The following RAB10 variants were observed in gnomAD, a reference collection of about 807,000 sequenced individuals.
RAB10 encodes ras-related protein Rab-10.
Under a neutral mutation model 25.7 loss-of-function variants are expected in RAB10, and 5 were observed. That is an observed-to-expected ratio of 0.19 (90% confidence interval 0.10 to 0.41). The LOEUF is 0.41. Among genes scored for constraint, RAB10 ranks in the 10% least tolerant of loss-of-function variants. The pLI, the probability that RAB10 is intolerant of heterozygous loss-of-function variation, is 1.00. For synonymous variants in RAB10, 89 were observed against 86.4 expected, an observed-to-expected ratio of 1.03 and a Z score of -0.16; for missense variants, 103 against 245.8, an observed-to-expected ratio of 0.42 and a Z score of 3.89.
chr2:26,097,251 T>A (rs1018053130), intron 1 of RAB10, among the ~76,000 whole-genome samples: 1 of 151,798 alleles, frequency 6.6e-6, no homozygotes, highest in Non-Finnish European at 1.5e-5. Context: ...AATGAAAACA[T>A]ACTTTGTATG....
At chr2:26,126,711 T>A (rs1667909907) in intron 3 of RAB10, among the ~76,000 whole-genome samples, 1 of 152,218 alleles carries the variant, frequency 6.6e-6, no homozygotes, top group Non-Finnish European at 1.5e-5. Flanking sequence ...AACTGATTTT[T>A]CTGCATGGAC....
chr2:26,120,406 G>A (rs1297858870), intron 3 of RAB10, among the ~76,000 whole-genome samples: 1 of 152,114 alleles, frequency 6.6e-6, no homozygotes, highest in African/African-American at 2.4e-5. Context: ...TGATGTCCCC[G>A]AAGTCCATCC....
chr2:26,099,065 G>C (rs564474041), intron 2 of RAB10, among the ~76,000 whole-genome samples: 3 of 152,068 alleles, frequency 2.0e-5, no homozygotes, highest in Non-Finnish European at 4.4e-5. Flanking sequence ...TTGCGAAAAT[G>C]TTTGTTTTCT....
chr2:26,034,547 C>A lies in RAB10; in HGVS notation c.-62C>A. 1.2e-6 allele frequency: 2 copies of A among 1,605,484 alleles called. No homozygotes were observed. The highest frequency in any genetic ancestry group is 1.1e-5 in the South Asian group (1 of 90,542). On this transcript the variant is annotated 5_prime_UTR_variant, in exon 1 of 6. Transcript: ENST00000264710. Reference sequence around the variant, plus strand: ...GAGAACGCCCGAGTGAGGAGTTGGCCGTAGTGAGAGGGACCGATCCCTTGG... The same window carrying A: ...GAGAACGCCCGAGTGAGGAGTTGGCAGTAGTGAGAGGGACCGATCCCTTGG...
Position 26,034,598 on chromosome 2 carries a change from C to T in RAB10, c.-11C>T, listed in dbSNP as rs778048908. 6.2e-7 allele frequency: 1 copy of T among 1,612,972 alleles called. No individual in the cohort carries two copies. The highest frequency in any genetic ancestry group is 8.5e-7 in the Non-Finnish European group (1 of 1,180,010). ...GGCCGCCGGCGGCGAGAGCCCGAGC[C>T]GCTCCTCCCAATGGCGAAGAAGACG... On this transcript the variant is annotated 5_prime_UTR_variant, in exon 1 of 6. Transcript: ENST00000264710.
chr2:26,086,329 A>G (rs1045913147), intron 1 of RAB10, among the ~76,000 whole-genome samples: 11 of 152,238 alleles, frequency 7.2e-5, no homozygotes, highest in Admixed American at 3.9e-4. Flanking sequence ...AAGACGTACA[A>G]GTGATCAACA....
At chr2:26,035,391 T>G (rs993583315) in intron 1 of RAB10, among the ~76,000 whole-genome samples, 3 of 152,128 alleles carry the variant, frequency 2.0e-5, no homozygotes, top group African/African-American at 7.2e-5. Flanking sequence ...CCCAACGGAG[T>G]GAAGTCAAGC....
At chr2:26,044,134 C>T (rs1450761823) in intron 1 of RAB10, among the ~76,000 whole-genome samples, 1 of 152,106 alleles carries the variant, frequency 6.6e-6, no homozygotes, top group African/African-American at 2.4e-5. Context: ...GTTAAGATGG[C>T]AAATTTAATG....
intron 5 of RAB10, among the ~76,000 whole-genome samples, chr2:26,128,378 A>G (rs113793969): frequency 7.2e-4 from 109 of 152,316 alleles, no homozygotes; most frequent in African/African-American, 2.6e-3. Context: ...GACCGGTAAG[A>G]GTCCACAGCC....
chr2:26,086,928 T>G (rs1271276424), intron 1 of RAB10, among the ~76,000 whole-genome samples: 1 of 152,168 alleles, frequency 6.6e-6, no homozygotes, highest in Non-Finnish European at 1.5e-5. Flanking sequence ...GTAAATCCAC[T>G]GAGACAGAAT....
chr2:26,123,797 G>T (rs1029011539), intron 3 of RAB10, among the ~76,000 whole-genome samples: 2 of 152,200 alleles, frequency 1.3e-5, no homozygotes, highest in African/African-American at 4.8e-5. Context: ...TGAAGCAAAT[G>T]ATGAAAGAAG....
At chr2:26,055,818 G>C (rs185588746) in intron 1 of RAB10, among the ~76,000 whole-genome samples, 3 of 151,688 alleles carry the variant, frequency 2.0e-5, no homozygotes, top group African/African-American at 7.3e-5. Context: ...GCCACCATGC[G>C]CCTGGTCTGT....
intron 1 of RAB10, among the ~76,000 whole-genome samples, chr2:26,083,637 G>A (rs747899167): frequency 1.3e-5 from 2 of 151,898 alleles, no homozygotes; most frequent in Admixed American, 6.6e-5. Context: ...TTAATTTTTT[G>A]TATGCTAGTA....
In RAB10 at chr2:26,135,018, C is replaced by T; in HGVS notation, c.600C>T (p.Cys200=). The T allele has an allele frequency of 6.2e-7, 1 of 1,610,176 alleles. No individual in the cohort carries two copies. Among genetic ancestry groups the T allele is most frequent in the Non-Finnish European group, 8.5e-7 (1 of 1,176,638 alleles). ...TGACAGGCTGGAAGAGCAAATGCTG[C>T]TGAGCATTCTCCTGTTCCATCAGTT... is the stretch of plus-strand genomic sequence containing the variant. ...GGVTGWKSKC[C] The change falls in exon 6 of 6, where the codon TGC becomes TGT. Residue 200 remains cysteine, a synonymous_variant. Coordinates refer to ENST00000264710, the MANE Select transcript of RAB10 (RefSeq NM_016131.5).
chr2:26,131,497 A>G (rs1027541416), intron 5 of RAB10, among the ~76,000 whole-genome samples: 2 of 152,182 alleles, frequency 1.3e-5, no homozygotes, highest in African/African-American at 2.4e-5. Context: ...CTTCCTTCAC[A>G]TTAGAATTAA....
chr2:26,047,682 A>G (rs1209251819), intron 1 of RAB10, among the ~76,000 whole-genome samples: 1 of 148,408 alleles, frequency 6.7e-6, no homozygotes, highest in Non-Finnish European at 1.5e-5. Context: ...TCGGCCTCCC[A>G]AAGTGTTGGG....
At chr2:26,064,313 G>A (rs141228137) in intron 1 of RAB10, among the ~76,000 whole-genome samples, 80 of 152,042 alleles carry the variant, frequency 5.3e-4, no homozygotes, top group Non-Finnish European at 8.5e-4. Flanking sequence ...AACTGTTTTT[G>A]AAAATAGTTT....
intron 1 of RAB10, among the ~76,000 whole-genome samples, chr2:26,063,825 TCTCA>T (rs1478254406): frequency 5.9e-5 from 9 of 152,272 alleles, no homozygotes; most frequent in Non-Finnish European, 1.3e-4. Context: ...GAGACAAGAG[TCTCA>T]CTCTGTCGCC....
chr2:26,087,292 C>T (rs1431194659), intron 1 of RAB10, among the ~76,000 whole-genome samples: 1 of 152,098 alleles, frequency 6.6e-6, no homozygotes, highest in Admixed American at 6.6e-5. Context: ...TATTGGTACT[C>T]TCAGGATTTT....
Sources: gnomAD v4.1 joint callset for allele counts (sites outside exome capture counted in the v4.1 genomes callset) on GRCh38, gnomAD v4.1.1 for gene constraint, MANE v1.5 for transcripts, NCBI Gene and HGNC (gene_info 2026-07-23, HGNC 2026-07-21) for gene names.